SLC2A13: variants seen among roughly 807,000 people sequenced by gnomAD.
SLC2A13 encodes the protein proton myo-inositol cotransporter.
In SLC2A13, 32 loss-of-function variants were observed where a neutral mutation model predicts 64.4. The ratio of observed to expected loss-of-function variants is 0.50; its 90% confidence interval spans 0.37 to 0.67. The LOEUF (loss-of-function observed/expected upper bound fraction) is 0.67. Ranked by LOEUF, SLC2A13 falls within the 30% of genes least tolerant of loss-of-function variation. The pLI is 0.00. For missense variants in SLC2A13, 743 were observed against 829.2 expected (o/e 0.90, Z 1.28); for synonymous variants, 338 against 327.1 (o/e 1.03, Z -0.36).
intron 3 of SLC2A13, among the ~76,000 whole-genome samples, chr12:40,002,010 T>C (rs1947328400): frequency 6.6e-6 from 1 of 152,248 alleles, no homozygotes. Flanking sequence ...GTGATCTTAC[T>C]GGTCTACCGC....
chr12:39,794,495 C>A (rs772857289), intron 7 of SLC2A13, among the ~76,000 whole-genome samples: 3 of 152,146 alleles, frequency 2.0e-5, no homozygotes, highest in Non-Finnish European at 2.9e-5. Flanking sequence ...TAGACTGTAA[C>A]CTACTCTTGT....
At chr12:39,803,269 C>T (rs1039716350) in intron 7 of SLC2A13, among the ~76,000 whole-genome samples, 1 of 149,732 alleles carries the variant, frequency 6.7e-6, no homozygotes, top group Admixed American at 6.6e-5. Context: ...AGGATTGCCA[C>T]AGATAAAACC....
At chr12:39,776,477 T>G (rs948122510) in intron 7 of SLC2A13, among the ~76,000 whole-genome samples, 34 of 152,208 alleles carry the variant, frequency 2.2e-4, no homozygotes, top group Non-Finnish European at 4.4e-4. Flanking sequence ...CAGAGAATGA[T>G]GTGGCATATG....
rs1183057015 is a variant in SLC2A13 at position 39,838,480 on chromosome 12, T to G, written c.1320-8252A>C. 7.2e-5 allele frequency among the ~76,000 whole-genome samples: 10 copies of G among 138,100 alleles called. No individual in the cohort carries two copies. In the East Asian group the frequency reaches 1.5e-3, roughly 21 times the overall value. 90.6% of individuals were successfully genotyped at this position (138,100 alleles called of 152,430 possible). On this transcript the variant is annotated intron_variant, in intron 6 of 9. Coordinates refer to ENST00000280871, the MANE Select transcript of SLC2A13 (RefSeq NM_052885.4). ...ACAATGTGCACATGTACCCTAAAACTTAAAGTATAATAAAAAAAAATAAAT... is the reference window on the plus strand; with the variant it reads ...ACAATGTGCACATGTACCCTAAAACGTAAAGTATAATAAAAAAAAATAAAT...
intron 4 of SLC2A13, among the ~76,000 whole-genome samples, chr12:39,942,935 T>C (rs926919598): frequency 5.3e-5 from 8 of 152,130 alleles, no homozygotes; most frequent in Admixed American, 4.6e-4. Flanking sequence ...TCAGCTGGAG[T>C]TTCTCTGTGG....
rs377376863 is a variant in SLC2A13 at position 40,028,401 on chromosome 12, G to T, written c.825C>A (p.Ala275=). Residue 275 remains alanine (A), a synonymous_variant, in exon 3 of 10, where the codon GCC becomes GCA. Coordinates refer to ENST00000280871, the MANE Select transcript of SLC2A13 (RefSeq NM_052885.4). ...CACGCATCTGAGATAAAATTCTACGGGCCTTCTGAGTCTGTCCTTTCTGAA... is the reference window on the plus strand; with the variant it reads ...CACGCATCTGAGATAAAATTCTACGTGCCTTCTGAGTCTGTCCTTTCTGAA... ...WLIQKGQTQK[A]RRILSQMRGN... is the part of the protein sequence containing the mutation. The T allele has an allele frequency of 1.9e-6, 3 of 1,613,856 alleles. No homozygotes were observed. The South Asian group carries it at 3.3e-5, about 18-fold the overall frequency.
At chr12:40,100,953 G>A (rs897157552) in intron 1 of SLC2A13, among the ~76,000 whole-genome samples, 8 of 99,930 alleles carry the variant, frequency 8.0e-5, no homozygotes, top group African/African-American at 2.5e-4. Context: ...CGACAAGAGT[G>A]AAGTTCCATC....
intron 4 of SLC2A13, among the ~76,000 whole-genome samples, chr12:39,926,213 C>T (rs1400314342): frequency 1.3e-5 from 2 of 151,922 alleles, no homozygotes; most frequent in African/African-American, 4.8e-5. Context: ...ATAAATAACC[C>T]TTTGTATTTA....
At chr12:40,007,044 C>A (rs926415950) in intron 3 of SLC2A13, among the ~76,000 whole-genome samples, 7 of 152,130 alleles carry the variant, frequency 4.6e-5, no homozygotes, top group Non-Finnish European at 1.0e-4. Flanking sequence ...AATTAGCTAA[C>A]AGTCATGTGT....
intron 1 of SLC2A13, among the ~76,000 whole-genome samples, chr12:40,078,477 G>C (rs1226021888): frequency 6.6e-6 from 1 of 152,114 alleles, no homozygotes; most frequent in Non-Finnish European, 1.5e-5. Context: ...TTGCATCCCA[G>C]GAATAAGGCC....
At chr12:39,850,480 T>C (rs1943436447) in intron 6 of SLC2A13, among the ~76,000 whole-genome samples, 2 of 152,128 alleles carry the variant, frequency 1.3e-5, no homozygotes, top group Non-Finnish European at 1.5e-5. Flanking sequence ...TAATACTAAC[T>C]TAGGATGCTT....
chr12:39,815,079 G>T (rs1407966712), intron 7 of SLC2A13, among the ~76,000 whole-genome samples: 1 of 151,902 alleles, frequency 6.6e-6, no homozygotes, highest in Non-Finnish European at 1.5e-5. Context: ...AAGGATTAGA[G>T]AAGTAAAATA....
chr12:39,883,291 C>T (rs1293472292), intron 4 of SLC2A13, among the ~76,000 whole-genome samples: 1 of 152,026 alleles, frequency 6.6e-6, no homozygotes, highest in Non-Finnish European at 1.5e-5. Flanking sequence ...TACGCCTCAC[C>T]ACCATCACTC....
chr12:39,861,383 A>G (rs993243428), intron 6 of SLC2A13, among the ~76,000 whole-genome samples: 2 of 152,244 alleles, frequency 1.3e-5, no homozygotes, highest in African/African-American at 4.8e-5. Flanking sequence ...TAATAAGTGA[A>G]TAAGATAAAA....
intron 2 of SLC2A13, among the ~76,000 whole-genome samples, chr12:40,046,725 T>G (rs1246927764): frequency 1.3e-5 from 2 of 151,982 alleles, no homozygotes; most frequent in African/African-American, 4.8e-5. Flanking sequence ...TGTCCTCCCC[T>G]TAATGGTCCT....
intron 3 of SLC2A13, among the ~76,000 whole-genome samples, chr12:40,005,002 C>T (rs995989417): frequency 2.6e-5 from 4 of 151,896 alleles, no homozygotes; most frequent in Admixed American, 6.6e-5. Context: ...TCAGAGGTGG[C>T]GGGGGAAGAA....
At chr12:39,881,856 A>G (rs1944343745) in intron 4 of SLC2A13, among the ~76,000 whole-genome samples, 1 of 152,026 alleles carries the variant, frequency 6.6e-6, no homozygotes, top group Admixed American at 6.6e-5. Flanking sequence ...TTCATTCAAT[A>G]AAGATTTCAG....
At chr12:39,796,607 A>T (rs984257866) in intron 7 of SLC2A13, among the ~76,000 whole-genome samples, 1 of 152,074 alleles carries the variant, frequency 6.6e-6, no homozygotes, top group Non-Finnish European at 1.5e-5. Flanking sequence ...TAGAAAGTAT[A>T]ATACCCTAGT....
intron 1 of SLC2A13, among the ~76,000 whole-genome samples, chr12:40,062,761 C>T (rs1162906598): frequency 1.3e-5 from 2 of 151,994 alleles, no homozygotes; most frequent in African/African-American, 2.4e-5. Flanking sequence ...CTCAAATCTT[C>T]GAGGGTGACA....
Sources: allele counts gnomAD v4.1 joint callset (sites outside exome capture counted in the v4.1 genomes callset), GRCh38; gene constraint gnomAD v4.1.1; transcripts MANE v1.5; gene names NCBI Gene and HGNC (gene_info 2026-07-23, HGNC 2026-07-21).